The following UNC5C variants were observed in gnomAD, a reference collection of about 807,000 sequenced individuals.
UNC5C encodes netrin receptor UNC5C.
A neutral mutation model predicts 99.8 loss-of-function variants in UNC5C; 47 were observed. The observed-to-expected ratio is 0.47, with a 90% CI of 0.37 to 0.60. The LOEUF (loss-of-function observed/expected upper bound fraction) is 0.60, where lower values mean the gene tolerates loss of function less well. Ranked by LOEUF, UNC5C falls within the 20% of genes least tolerant of loss-of-function variation. The pLI is 0.00. For synonymous variants in UNC5C, 487 were observed against 452.2 expected (o/e 1.08, Z -0.98); for missense variants, 1,062 against 1,165.9 (o/e 0.91, Z 1.30).
At chr4:95,195,725 A>G (rs1737352173) in intron 12 of UNC5C, among the ~76,000 whole-genome samples, 3 of 152,266 alleles carry the variant, frequency 2.0e-5, no homozygotes, top group Non-Finnish European at 2.9e-5. Context: ...GCATCACACA[A>G]TTCTCAACTA....
intron 1 of UNC5C, among the ~76,000 whole-genome samples, chr4:95,338,744 G>C (rs1743442174): frequency 6.6e-6 from 1 of 151,980 alleles, no homozygotes; most frequent in South Asian, 2.1e-4. Flanking sequence ...TTATACTAAT[G>C]GCAACTTTGA....
In UNC5C at chr4:95,291,505, C is replaced by T. The variant is rs751163939; in HGVS notation, c.490+10101G>A. 1.2e-4 allele frequency among the ~76,000 whole-genome samples: 19 copies of T among 152,206 alleles called. No homozygotes were observed. The South Asian group carries it at 2.3e-3, about 18-fold the overall frequency. ...CCTATAACATACGTATAGATGATTTCCCCCAAAATATGACTTATGAGACTG... is the reference window on the plus strand; with the variant it reads ...CCTATAACATACGTATAGATGATTTTCCCCAAAATATGACTTATGAGACTG... On this transcript the variant is annotated intron_variant, in intron 3 of 15. Transcript: ENST00000453304.
At chr4:95,448,511 G>C (rs764334272) in intron 1 of UNC5C, among the ~76,000 whole-genome samples, 5 of 152,060 alleles carry the variant, frequency 3.3e-5, no homozygotes, top group Admixed American at 1.3e-4. Flanking sequence ...TTCTAGTGAT[G>C]GCACATAATG....
intron 12 of UNC5C, among the ~76,000 whole-genome samples, chr4:95,198,051 G>A (rs58617533): frequency 0.058 from 8,579 of 146,904 alleles, 750 homozygotes; most frequent in African/African-American, 0.19. Context: ...GCCGTGGTGC[G>A]ATCTCTGCTC....
intron 1 of UNC5C, among the ~76,000 whole-genome samples, chr4:95,459,053 T>C (rs990802603): frequency 3.3e-5 from 5 of 152,232 alleles, no homozygotes; most frequent in Non-Finnish European, 5.9e-5. Flanking sequence ...ACACCCCTGT[T>C]ATCCTTTTAG....
At chr4:95,296,994 A>G (rs547750191) in intron 3 of UNC5C, among the ~76,000 whole-genome samples, 1 of 152,266 alleles carries the variant, frequency 6.6e-6, no homozygotes, top group South Asian at 2.1e-4. Context: ...AATCACCCTC[A>G]GTGGTGCAGA....
chr4:95,172,357 G>A (rs1034400660), intron 14 of UNC5C, among the ~76,000 whole-genome samples: 3 of 150,784 alleles, frequency 2.0e-5, no homozygotes, highest in Admixed American at 1.3e-4. Flanking sequence ...TTCTTCTAGG[G>A]TTTTTATGGT....
chr4:95,469,496 A>T (rs60376798), intron 1 of UNC5C, among the ~76,000 whole-genome samples: 8,608 of 152,174 alleles, frequency 0.057, 596 homozygotes, highest in African/African-American at 0.17. Context: ...TTTCAGTACA[A>T]GATAAAAATG....
chr4:95,217,660 T>G (rs1579239781), intron 9 of UNC5C, among the ~76,000 whole-genome samples: 1 of 152,166 alleles, frequency 6.6e-6, no homozygotes, highest in Non-Finnish European at 1.5e-5. Flanking sequence ...TAAGAGGCCT[T>G]TATAATAATG....
chr4:95,501,222 C>T (rs751103023), intron 1 of UNC5C, among the ~76,000 whole-genome samples: 4 of 152,046 alleles, frequency 2.6e-5, no homozygotes, highest in Non-Finnish European at 4.4e-5. Flanking sequence ...GACATATAAG[C>T]AGCTAGCCCT....
intron 1 of UNC5C, among the ~76,000 whole-genome samples, chr4:95,548,131 G>C (rs1353204348): frequency 6.6e-6 from 1 of 152,042 alleles, no homozygotes; most frequent in Non-Finnish European, 1.5e-5. Flanking sequence ...CCTCCAGCCG[G>C]GTACGCGGAT....
chr4:95,331,803 G>T (rs960048359), intron 2 of UNC5C, among the ~76,000 whole-genome samples: 8 of 152,102 alleles, frequency 5.3e-5, no homozygotes, highest in African/African-American at 1.9e-4. Context: ...ATGTGTGTGT[G>T]GGTGTGTTAC....
intron 1 of UNC5C, among the ~76,000 whole-genome samples, chr4:95,442,369 A>ATTTTTT (rs5860407): frequency 1.6e-5 from 2 of 126,348 alleles, no homozygotes; most frequent in African/African-American, 6.1e-5. Flanking sequence ...TGCCCAGCTA[A>ATTTTTT]TTTTTTTTTT....
chr4:95,410,217 C>T lies in UNC5C; in HGVS notation c.125-74586G>A, dbSNP rs1745940404. ...AGAAGTTAGGCACTGTTGTCCTGGA[C>T]TGATGCACCTCTTAATTATATCTGC... On this transcript the variant is annotated intron_variant, in intron 1 of 15. Transcript: ENST00000453304. Among the ~76,000 whole-genome samples, 3 of 152,122 alleles carry T rather than the reference C, an allele frequency of 2.0e-5. No individual in the cohort carries two copies. The South Asian group carries it at 6.2e-4, about 32-fold the overall frequency.
intron 1 of UNC5C, among the ~76,000 whole-genome samples, chr4:95,413,701 AT>A (rs1280724010): frequency 2.0e-5 from 3 of 152,186 alleles, no homozygotes; most frequent in African/African-American, 7.2e-5. Flanking sequence ...CATTAAAAAC[AT>A]GTTTCTCTCA....
chr4:95,516,697 C>T (rs1453849801), intron 1 of UNC5C, among the ~76,000 whole-genome samples: 1 of 152,158 alleles, frequency 6.6e-6, no homozygotes, highest in Non-Finnish European at 1.5e-5. Flanking sequence ...AAGTCCATGG[C>T]TCTTGTAATC....
chr4:95,335,752 G>T, intron 1 of UNC5C, 121 bp from the exon 2 acceptor site: 1 of 736,742 alleles, frequency 1.4e-6, no homozygotes, highest in Non-Finnish European at 2.2e-6. Flanking sequence ...AATGCCTGCT[G>T]TGTGCCAGGC....
chr4:95,383,217 C>G (rs1260784989), intron 1 of UNC5C, among the ~76,000 whole-genome samples: 1 of 151,942 alleles, frequency 6.6e-6, no homozygotes, highest in Admixed American at 6.6e-5. Context: ...CTTCTTCCAG[C>G]AAAGGACACA....
chr4:95,439,733 T>C (rs1262414235), intron 1 of UNC5C, among the ~76,000 whole-genome samples: 1 of 152,150 alleles, frequency 6.6e-6, no homozygotes, highest in African/African-American at 2.4e-5. Flanking sequence ...CTGATGTCAA[T>C]TTGGATTTGC....
Sources: gnomAD v4.1 joint callset for allele counts (sites outside exome capture counted in the v4.1 genomes callset) on GRCh38, gnomAD v4.1.1 for gene constraint, MANE v1.5 for transcripts, NCBI Gene and HGNC (gene_info 2026-07-23, HGNC 2026-07-21) for gene names.